DMD: variants seen among roughly 807,000 people sequenced by gnomAD.
DMD encodes dystrophin.
In DMD, 63 loss-of-function variants were observed where a neutral mutation model predicts 330.1. The observed-to-expected ratio is 0.19, with a 90% confidence interval of 0.16 to 0.24. The LOEUF (loss-of-function observed/expected upper bound fraction) is 0.24. Ranked by LOEUF, DMD falls within the 10% of genes least tolerant of loss-of-function variation. DMD has a pLI of 1.00. For synonymous variants in DMD, 1,223 were observed against 959.8 expected (o/e 1.27, Z -5.07); for missense variants, 3,344 against 2,684.1 (o/e 1.25, Z -5.43).
intron 44 of DMD, among the ~76,000 whole-genome samples, chrX:32,196,933 C>T (rs2097005078): frequency 2.2e-5 from 2 of 91,633 alleles, no homozygotes; most frequent in African/African-American, 8.7e-5. Context: ...TTGCAGTGAG[C>T]CAAGATCGCG....
At chrX:32,590,858 C>G (rs114469765) in intron 13 of DMD, among the ~76,000 whole-genome samples, 1 of 111,423 alleles carries the variant, frequency 9.0e-6, no homozygotes, top group East Asian at 2.8e-4. Context: ...TGGGACTTCA[C>G]CTTGTAATCA....
In DMD at chrX:32,025,879, C is replaced by G. The variant is rs113386082; in HGVS notation, c.6439-57365G>C. On this transcript the variant is annotated intron_variant, in intron 44 of 78. Transcript: ENST00000357033. ...CCACCAAACCAGTTTACATGAAGAA[C>G]AAGTGAGAAAGTGAATAGAAAAACC... 7.1e-3 allele frequency among the ~76,000 whole-genome samples: 791 copies of G among 111,877 alleles called. 13 individuals are homozygous for G. The highest frequency in any genetic ancestry group is 0.024 in the African/African-American group (725 of 30,795).
intron 50 of DMD, among the ~76,000 whole-genome samples, chrX:31,816,215 G>A (rs771602719): frequency 1.3e-3 from 149 of 111,386 alleles, no homozygotes; most frequent in African/African-American, 4.8e-3. Context: ...ACAATTGCAA[G>A]TTTTGCTTTT....
At chrX:32,122,751 T>C (rs1051953526) in intron 44 of DMD, among the ~76,000 whole-genome samples, 1 of 111,180 alleles carries the variant, frequency 9.0e-6, no homozygotes, top group African/African-American at 3.3e-5. Context: ...ATCCCTAATG[T>C]GAACCTTTTT....
Position 32,441,230 on chromosome X carries a change from T to A in DMD, c.3871A>T (p.Thr1291Ser). ...GCTCCGCCAGGAATGTTTTCAGTGG[T>A]TTTAAGTTTAAATTCTACTTCATTT... ...WLNEVEFKLK[T>S]TENIPGGAEE... Residue 1291 changes from threonine (T) to serine (S), a missense_variant, in exon 28 of 79, where the codon ACC becomes TCC. Transcript: ENST00000357033. 1.3e-5 allele frequency: 16 copies of A among 1,209,307 alleles called. No individual in the cohort carries two copies. Among genetic ancestry groups the A allele is most frequent in the Non-Finnish European group, 1.8e-5 (16 of 893,560 alleles).
At chrX:32,055,720 C>G (rs894247558) in intron 44 of DMD, among the ~76,000 whole-genome samples, 5 of 111,571 alleles carry the variant, frequency 4.5e-5, no homozygotes, top group African/African-American at 1.6e-4. Context: ...ATAAGGAGAA[C>G]TTCCCAATCA....
intron 1 of DMD, among the ~76,000 whole-genome samples, chrX:33,032,509 G>T (rs1430405607): frequency 9.0e-6 from 1 of 111,562 alleles, no homozygotes; most frequent in East Asian, 2.8e-4. Context: ...AAAAAGAGAG[G>T]GTTGTATTCC....
intron 59 of DMD, among the ~76,000 whole-genome samples, chrX:31,459,489 G>A (rs781528436): frequency 3.6e-5 from 4 of 112,070 alleles, no homozygotes; most frequent in South Asian, 3.7e-4. Flanking sequence ...TGCTTATGCC[G>A]TGTTAAGATC....
intron 7 of DMD, among the ~76,000 whole-genome samples, chrX:32,779,132 T>A (rs935562110): frequency 9.0e-6 from 1 of 111,563 alleles, no homozygotes; most frequent in African/African-American, 3.3e-5. Context: ...TTTAAGCTAA[T>A]TGTTCATGTA....
chrX:32,858,362 G>C (rs1402192219), intron 2 of DMD, among the ~76,000 whole-genome samples: 1 of 111,934 alleles, frequency 8.9e-6, no homozygotes. Flanking sequence ...ACAGAGTCTC[G>C]CTCTGTTGCC....
At chrX:32,112,889 C>T (rs955606004) in intron 44 of DMD, among the ~76,000 whole-genome samples, 2 of 111,708 alleles carry the variant, frequency 1.8e-5, no homozygotes, top group Non-Finnish European at 3.8e-5. Flanking sequence ...TCTGGAATCC[C>T]GCTATTAAAT....
chrX:32,721,778 GC>G (rs1178862241), intron 7 of DMD, among the ~76,000 whole-genome samples: 2 of 110,733 alleles, frequency 1.8e-5, no homozygotes, highest in Non-Finnish European at 3.8e-5. Flanking sequence ...CTGTCAGAGA[GC>G]TTTTTCCTCT....
intron 54 of DMD, 87 bp downstream of exon 54, chrX:31,657,903 T>C (rs1360914882): frequency 3.9e-5 from 40 of 1,022,034 alleles, no homozygotes; most frequent in Middle Eastern, 2.9e-4. Flanking sequence ...TTTAGCTGGA[T>C]TGGAAAAACA....
At chrX:31,867,916 A>T (rs1401961872) in intron 48 of DMD, among the ~76,000 whole-genome samples, 1 of 111,145 alleles carries the variant, frequency 9.0e-6, no homozygotes, top group African/African-American at 3.3e-5. Flanking sequence ...TGGCCATTTT[A>T]AGTCTTTTGT....
intron 43 of DMD, among the ~76,000 whole-genome samples, chrX:32,267,202 G>T (rs2097348039): frequency 1.8e-5 from 2 of 112,050 alleles, no homozygotes. Flanking sequence ...ATTTTTCTGT[G>T]TTCTTCAACC....
intron 41 of DMD, among the ~76,000 whole-genome samples, chrX:32,322,962 T>C (rs2097626980): frequency 8.9e-6 from 1 of 112,422 alleles, no homozygotes; most frequent in Non-Finnish European, 1.9e-5. Context: ...CGAGGACATT[T>C]CTCATGTGTT....
intron 50 of DMD, among the ~76,000 whole-genome samples, chrX:31,790,209 T>G (rs2091502198): frequency 9.0e-6 from 1 of 111,519 alleles, no homozygotes; most frequent in Non-Finnish European, 1.9e-5. Context: ...AAAGAGAAAG[T>G]AGGGTTAGTT....
intron 44 of DMD, among the ~76,000 whole-genome samples, chrX:32,176,502 T>C (rs2096907022): frequency 8.9e-6 from 1 of 112,268 alleles, no homozygotes; most frequent in Non-Finnish European, 1.9e-5. Flanking sequence ...AATCAGATAA[T>C]TATACCACTT....
intron 1 of DMD, among the ~76,000 whole-genome samples, chrX:33,309,648 A>G (rs1445457973): frequency 9.0e-6 from 1 of 111,245 alleles, no homozygotes; most frequent in African/African-American, 3.3e-5. Context: ...ATACTTAAAA[A>G]ATAATAAAGG....
Sources: gnomAD v4.1 joint callset for allele counts (sites outside exome capture counted in the v4.1 genomes callset) on GRCh38, gnomAD v4.1.1 for gene constraint, MANE v1.5 for transcripts, NCBI Gene and HGNC (gene_info 2026-07-23, HGNC 2026-07-21) for gene names.